SEMA3D: variants seen among roughly 807,000 people sequenced by gnomAD.
The protein encoded by SEMA3D is semaphorin 3D.
SEMA3D carries 84 observed loss-of-function variants against 100.1 expected under a neutral mutation model. The observed-to-expected ratio is 0.84, with a 90% CI of 0.70 to 1.01. The LOEUF is 1.01. Among genes scored for constraint, SEMA3D ranks in the 50% least tolerant of loss-of-function variants. The pLI, the probability that SEMA3D is intolerant of heterozygous loss-of-function variation, is 0.00. For synonymous variants in SEMA3D, 312 were observed against 320.7 expected (o/e 0.97, Z 0.29); for missense variants, 875 against 934.1 (o/e 0.94, Z 0.82).
chr7:85,040,286 C>G (rs1000184453), intron 11 of SEMA3D, among the ~76,000 whole-genome samples: 1 of 151,854 alleles, frequency 6.6e-6, no homozygotes, highest in Admixed American at 6.6e-5. Flanking sequence ...CCTGCATATG[C>G]CTTTTATACA....
At chr7:85,151,003 C>T (rs2116490278) in intron 2 of SEMA3D, among the ~76,000 whole-genome samples, 1 of 151,846 alleles carries the variant, frequency 6.6e-6, no homozygotes, top group African/African-American at 2.4e-5. Flanking sequence ...AAAGCTTAAC[C>T]TATTTAAAAG....
chr7:85,186,203 G>C (rs1323851149), intron 1 of SEMA3D, among the ~76,000 whole-genome samples: 2 of 152,156 alleles, frequency 1.3e-5, no homozygotes, highest in Non-Finnish European at 2.9e-5. Flanking sequence ...GATGCCCTTT[G>C]GTCAAGTACT....
intron 1 of SEMA3D, among the ~76,000 whole-genome samples, chr7:85,166,929 T>C (rs1562842325): frequency 6.6e-6 from 1 of 152,010 alleles, no homozygotes; most frequent in African/African-American, 2.4e-5. Context: ...TAATGGATTA[T>C]AGCCAAAGCA....
rs944349550 is a variant in SEMA3D, at chr7:85,068,114, T to G, written c.589+77A>C. 3.6e-6 allele frequency: 3 copies of G among 844,364 alleles called. No individual in the cohort carries two copies. The African/African-American group carries it at 5.1e-5, about 14-fold the overall frequency. The allele number at this position is 844,364 out of a possible 1,614,324, so 52.3% of individuals were successfully genotyped here. A position where few individuals can be genotyped will look rare whatever the true frequency, so the allele number is the denominator to read the frequency against. On this transcript the variant is annotated intron_variant, in intron 7 of 18. Transcript: ENST00000284136. ...TAGTAAAAAATTACCTTTAACTCAA[T>G]AGGAAAATGCGGTTCAGTCAAAAAA... is the stretch of plus-strand genomic sequence containing the variant.
intron 2 of SEMA3D, among the ~76,000 whole-genome samples, chr7:85,146,560 A>AAT (rs1554348161): frequency 2.0e-4 from 30 of 151,144 alleles, no homozygotes; most frequent in South Asian, 4.2e-4. Context: ...TCTAAAAAAA[A>AAT]ATATATATAT....
intron 8 of SEMA3D, among the ~76,000 whole-genome samples, chr7:85,057,686 A>G (rs1193273266): frequency 6.6e-6 from 1 of 152,180 alleles, no homozygotes; most frequent in Admixed American, 6.5e-5. Flanking sequence ...TAATCCCAGC[A>G]CTTTGGGAGG....
chr7:85,148,831 T>G (rs953402036), intron 2 of SEMA3D, among the ~76,000 whole-genome samples: 7 of 150,990 alleles, frequency 4.6e-5, no homozygotes, highest in African/African-American at 7.3e-5. Context: ...GTGTGTAGAT[T>G]TTTTTTGTTG....
chr7:85,057,038 T>G (rs1027778333), intron 8 of SEMA3D, among the ~76,000 whole-genome samples: 8 of 151,688 alleles, frequency 5.3e-5, no homozygotes, highest in African/African-American at 1.9e-4. Flanking sequence ...CAGGGGTTAA[T>G]AGAAAATTGA....
At chr7:85,031,667 A>G (rs1790553390) in intron 12 of SEMA3D, among the ~76,000 whole-genome samples, 1 of 151,978 alleles carries the variant, frequency 6.6e-6, no homozygotes, top group Non-Finnish European at 1.5e-5. Flanking sequence ...ACATATGTTT[A>G]CCTTCGCTGG....
chr7:85,188,808 C>T (rs1319134909), upstream of SEMA3D, among the ~76,000 whole-genome samples: 1 of 152,156 alleles, frequency 6.6e-6, no homozygotes, highest in East Asian at 1.9e-4. Flanking sequence ...CAATACTTTC[C>T]ATAAAGCCCT....
intron 12 of SEMA3D, among the ~76,000 whole-genome samples, chr7:85,032,606 T>G (rs1344838855): frequency 6.6e-6 from 1 of 152,032 alleles, no homozygotes; most frequent in Non-Finnish European, 1.5e-5. Context: ...CAAAATCAAT[T>G]GGATAGGGTT....
At chr7:85,149,757 A>G (rs927039385) in intron 2 of SEMA3D, among the ~76,000 whole-genome samples, 1 of 152,178 alleles carries the variant, frequency 6.6e-6, no homozygotes, top group Non-Finnish European at 1.5e-5. Context: ...TACGATTAAC[A>G]TTAGCATCTA....
intron 12 of SEMA3D, 76 bp downstream of exon 12, chr7:85,036,813 C>A: frequency 8.2e-7 from 1 of 1,216,646 alleles, no homozygotes; most frequent in South Asian, 1.7e-5. Context: ...TGGTGAATAG[C>A]AGAATTTATT....
chr7:85,160,524 C>T lies in SEMA3D; in HGVS notation c.-172-6785G>A, dbSNP rs150950965. Among the ~76,000 whole-genome samples, 207 of 152,178 alleles carry T rather than the reference C, an allele frequency of 1.4e-3. No homozygotes were observed. In the East Asian group the frequency reaches 0.014, roughly 10 times the overall value. ...GCAGCTTAGGCAAATGGGGGCGATG[C>T]GGTTTGCCTGACTCTCTGCCTGTAG... On this transcript the variant is annotated intron_variant, in intron 1 of 18. Coordinates refer to ENST00000284136, the MANE Select transcript of SEMA3D (RefSeq NM_001384900.1).
chr7:85,095,922 C>T (rs546780534), intron 4 of SEMA3D, among the ~76,000 whole-genome samples: 1 of 152,050 alleles, frequency 6.6e-6, no homozygotes, highest in African/African-American at 2.4e-5. Context: ...AAAATAGTCA[C>T]AGCAGGAAGT....
rs1360840448 is a variant in SEMA3D at position 84,997,727 on chromosome 7, T to C, written c.*1713A>G. ...TTTCTCACAGACTTTTCTTTCAAGA[T>C]ATGTAGAATGCATGAGAAACGAGCA... On this transcript the variant is annotated 3_prime_UTR_variant, in exon 19 of 19. Coordinates refer to ENST00000284136, the MANE Select transcript of SEMA3D (RefSeq NM_001384900.1). 1.3e-5 allele frequency: 2 copies of C among 152,012 alleles called. No individual in the cohort carries two copies. Among genetic ancestry groups the C allele is most frequent in the African/African-American group, 4.9e-5 (2 of 40,946 alleles). 9.4% of individuals were successfully genotyped at this position (152,012 alleles called of 1,614,324 possible).
chr7:85,112,257 T>C (rs542531332), intron 3 of SEMA3D, among the ~76,000 whole-genome samples: 5 of 152,154 alleles, frequency 3.3e-5, no homozygotes, highest in South Asian at 2.1e-4. Context: ...GAAAAAGATA[T>C]AGCCTTACTT....
Position 85,037,199 on chromosome 7 carries a change from A to C in SEMA3D, c.1047-166T>G, listed in dbSNP as rs1790724616. 2.0e-5 allele frequency among the ~76,000 whole-genome samples: 3 copies of C among 152,228 alleles called. No homozygotes were observed. In the South Asian group the frequency reaches 6.2e-4, roughly 31 times the overall value. ...TACGTCCTCAAGTGGCTTACAGCCA[A>C]GCAATTCTAAATAAAGTGTAATAAT... On this transcript the variant is annotated intron_variant, in intron 11 of 18. Coordinates refer to ENST00000284136, the MANE Select transcript of SEMA3D (RefSeq NM_001384900.1).
the SEMA3D span, among the ~76,000 whole-genome samples, chr7:85,218,068 G>T: frequency 6.6e-6 from 1 of 152,058 alleles, no homozygotes; most frequent in African/African-American, 2.4e-5. Context: ...GTAATGCCAG[G>T]AGTGTAGGAG....
Sources: gnomAD v4.1 joint callset for allele counts (sites outside exome capture counted in the v4.1 genomes callset) on GRCh38, gnomAD v4.1.1 for gene constraint, MANE v1.5 for transcripts, NCBI Gene and HGNC (gene_info 2026-07-23, HGNC 2026-07-21) for gene names.